Variants in NEMF observed in about 807,000 individuals in gnomAD.
The protein encoded by NEMF is ribosome quality control complex subunit NEMF.
NEMF carries 89 observed loss-of-function variants against 162.2 expected under a neutral mutation model. The ratio of observed to expected loss-of-function variants is 0.55; its 90% CI spans 0.46 to 0.65. The LOEUF (loss-of-function observed/expected upper bound fraction) is 0.65. NEMF is among the 30% of genes least tolerant of loss of function. The pLI is 0.00. For missense variants in NEMF, 1,133 were observed against 1,261.9 expected, an observed-to-expected ratio of 0.90 and a Z score of 1.55; for synonymous variants, 421 against 404.5, an observed-to-expected ratio of 1.04 and a Z score of -0.49.
At chr14:49,832,307 T>TGTGTG in intron 8 of NEMF, 30 bp from the exon 9 acceptor site, 1 of 1,373,364 alleles carries the variant, frequency 7.3e-7, no homozygotes, top group South Asian at 1.2e-5. Flanking sequence ...AAATCATTCC[T>TGTGTG]ATTCATAATT....
chr14:49,851,470 A>C (rs1893771929), intron 3 of NEMF, 93 bp downstream of exon 3: 2 of 807,768 alleles, frequency 2.5e-6, no homozygotes, highest in Admixed American at 2.1e-5. Context: ...TTTTATCTGC[A>C]CTTTATTCGT....
chr14:49,798,908 A>G (rs1384406637), intron 25 of NEMF, among the ~76,000 whole-genome samples: 1 of 151,582 alleles, frequency 6.6e-6, no homozygotes, highest in Non-Finnish European at 1.5e-5. Context: ...CTCCATCTCA[A>G]AAAAAAAGAA....
chr14:49,806,213 G>T, intron 18 of NEMF, 80 bp from the exon 19 acceptor site: 1 of 485,136 alleles, frequency 2.1e-6, no homozygotes, highest in East Asian at 4.8e-5. Context: ...CATGCCGCAT[G>T]ACAGGGTCAA....
At chr14:49,850,176 G>C (rs1893703485) in intron 3 of NEMF, among the ~76,000 whole-genome samples, 1 of 152,046 alleles carries the variant, frequency 6.6e-6, no homozygotes, top group Admixed American at 6.6e-5. Context: ...GAACTCAGCT[G>C]ACTGCAATCT....
At chr14:49,823,516 T>A (rs1271279432) in intron 16 of NEMF, among the ~76,000 whole-genome samples, 1 of 151,788 alleles carries the variant, frequency 6.6e-6, no homozygotes, top group African/African-American at 2.4e-5. Flanking sequence ...AGTGGAAAGA[T>A]TTGGTGGAAG....
intron 26 of NEMF, among the ~76,000 whole-genome samples, chr14:49,792,229 G>A (rs772498059): frequency 1.3e-5 from 2 of 151,962 alleles, no homozygotes; most frequent in East Asian, 1.9e-4. Context: ...AACAATCTCC[G>A]TTTTTTGACA....
chr14:49,834,307 A>G (rs913857350), intron 7 of NEMF, 56 bp downstream of exon 7: 45 of 1,271,728 alleles, frequency 3.5e-5, no homozygotes, highest in Admixed American at 7.5e-5. Flanking sequence ...TCCCAGAAAA[A>G]ATTTTCATAG....
chr14:49,831,599 C>T (rs113151401), intron 10 of NEMF, among the ~76,000 whole-genome samples: 2 of 152,134 alleles, frequency 1.3e-5, no homozygotes, highest in South Asian at 2.1e-4. Context: ...CACCACACAC[C>T]GCTAATTTTT....
chr14:49,782,910 G>C lies in NEMF; in HGVS notation c.*1726C>G, dbSNP rs1566639739. On this transcript the variant is annotated 3_prime_UTR_variant, in exon 33 of 33. Coordinates refer to ENST00000298310, the MANE Select transcript of NEMF (RefSeq NM_004713.6). ...TGCCTTCCAAAACACTTACTTCACA[G>C]TGTTAATCAGAGGTTTGGTAGTAAC... 1.2e-6 allele frequency: 2 copies of C among 1,613,764 alleles called. No individual in the cohort carries two copies. Among genetic ancestry groups the C allele is most frequent in the Admixed American group, 3.3e-5 (2 of 59,970 alleles).
Position 49,832,626 on chromosome 14 carries a change from C to A in NEMF, c.736-349G>T, listed in dbSNP as rs1237153081. Among the ~76,000 whole-genome samples the A allele has an allele frequency of 2.6e-5, 4 of 152,070 alleles. No individual in the cohort carries two copies. In the East Asian group the frequency reaches 5.8e-4, roughly 22 times the overall value. ...GAGATCACAGGTGTGAGCCACTGCACCTAAAAATTTAGTTTCTGTGACTGA... is the reference window on the plus strand; with the variant it reads ...GAGATCACAGGTGTGAGCCACTGCAACTAAAAATTTAGTTTCTGTGACTGA... On this transcript the variant is annotated intron_variant, in intron 8 of 32. Coordinates refer to ENST00000298310, the MANE Select transcript of NEMF (RefSeq NM_004713.6).
At position 49,795,902 on chromosome 14, in the gene NEMF, T is replaced by C. The variant is rs761846039; in HGVS notation, c.2508A>G (p.Leu836=). 5 of 1,611,460 alleles carry C rather than the reference T, an allele frequency of 3.1e-6. No individual in the cohort carries two copies. In the South Asian group the frequency reaches 5.5e-5, roughly 18 times the overall value. The change falls in exon 26 of 33, where the codon TTA becomes TTG. Residue 836 remains leucine (L), a synonymous_variant. Coordinates refer to ENST00000298310, the MANE Select transcript of NEMF (RefSeq NM_004713.6). ...KKKLPSDSGD[L]EALEGKDKEK... is the part of the protein sequence containing the mutation. Reference sequence around the variant, plus strand: ...CTTTATCCTTTCCCTCTAACGCTTCTAAATCTCCTGAGTCACTTGGAAGTT... The same window carrying C: ...CTTTATCCTTTCCCTCTAACGCTTCCAAATCTCCTGAGTCACTTGGAAGTT...
At chr14:49,806,968 T>C (rs1891246346) in intron 18 of NEMF, among the ~76,000 whole-genome samples, 1 of 152,182 alleles carries the variant, frequency 6.6e-6, no homozygotes, top group African/African-American at 2.4e-5. Flanking sequence ...ACCATGACCA[T>C]CAATACTATT....
rs1890078459 is a variant in NEMF at position 49,784,747 on chromosome 14, C to T, written c.3154-34G>A. The T allele has an allele frequency of 5.2e-6, 8 of 1,543,526 alleles. No individual in the cohort carries two copies. In the East Asian group the frequency reaches 1.6e-4, roughly 30 times the overall value. On this transcript the variant is annotated intron_variant, in intron 32 of 32. Coordinates refer to ENST00000298310, the MANE Select transcript of NEMF (RefSeq NM_004713.6). ...AGAAAATTGCTGAATATCTTCACATCCTGTATGGTCAATCATGTTTCTTTT... is the reference window on the plus strand; with the variant it reads ...AGAAAATTGCTGAATATCTTCACATTCTGTATGGTCAATCATGTTTCTTTT...
At chr14:49,834,586 C>CCGGGTT in intron 6 of NEMF, 137 bp from the exon 7 acceptor site, 1 of 560,906 alleles carries the variant, frequency 1.8e-6, no homozygotes. Context: ...CCTCTGCCTC[C>CCGGGTT]CACCTCCTGC....
chr14:49,815,882 T>C (rs982015058), intron 16 of NEMF, among the ~76,000 whole-genome samples: 1 of 151,886 alleles, frequency 6.6e-6, no homozygotes, highest in Non-Finnish European at 1.5e-5. Flanking sequence ...AAGAATGGGG[T>C]GAACCTGGGA....
At position 49,782,959 on chromosome 14, in the gene NEMF, C is replaced by T. The variant is rs193278138; in HGVS notation, c.*1677G>A. 1 of 1,610,138 alleles carries T rather than the reference C, an allele frequency of 6.2e-7. No homozygotes were observed. The highest frequency in any genetic ancestry group is 1.7e-5 in the Admixed American group (1 of 59,182). On this transcript the variant is annotated 3_prime_UTR_variant, in exon 33 of 33. Coordinates refer to ENST00000298310, the MANE Select transcript of NEMF (RefSeq NM_004713.6). ...ACAACACTTCTGGATCTTAAGGCTT[C>T]ATAAATAATGCCTATGATCACCTTG...
intron 29 of NEMF, chr14:49,786,500 T>C: frequency 1.8e-6 from 1 of 563,274 alleles, no homozygotes; most frequent in Non-Finnish European, 3.1e-6. Flanking sequence ...GTAGGGACAT[T>C]ATCCCCATTC....
At chr14:49,838,237 T>A (rs778312468) in intron 5 of NEMF, 31 bp from the exon 6 acceptor site, 1 of 1,591,552 alleles carries the variant, frequency 6.3e-7, no homozygotes, top group Non-Finnish European at 8.6e-7. Flanking sequence ...GCCTCTATCA[T>A]ATCTTAAATA....
At chr14:49,824,818 C>T (rs944793329) in intron 16 of NEMF, among the ~76,000 whole-genome samples, 1 of 151,958 alleles carries the variant, frequency 6.6e-6, no homozygotes, top group Non-Finnish European at 1.5e-5. Context: ...GCTTCTGGAA[C>T]ACACACTCTT....
Sources: gnomAD v4.1 joint callset for allele counts (sites outside exome capture counted in the v4.1 genomes callset) on GRCh38, gnomAD v4.1.1 for gene constraint, MANE v1.5 for transcripts, NCBI Gene and HGNC (gene_info 2026-07-23, HGNC 2026-07-21) for gene names.